The following USP25 variants were observed in gnomAD, a reference collection of about 807,000 sequenced individuals.
USP25 encodes ubiquitin carboxyl-terminal hydrolase 25.
USP25 carries 85 observed loss-of-function variants against 158.5 expected under a neutral mutation model. The ratio of observed to expected loss-of-function variants is 0.54; its 90% confidence interval spans 0.45 to 0.64. The LOEUF is 0.64. Ranked by LOEUF, USP25 falls within the 30% of genes least tolerant of loss-of-function variation. The pLI is 0.00. For synonymous variants in USP25, 464 were observed against 460.4 expected (o/e 1.01, Z -0.10); for missense variants, 1,242 against 1,327.3 (o/e 0.94, Z 1.00).
chr21:15,851,526 A>G (rs2038888827), intron 20 of USP25, among the ~76,000 whole-genome samples: 3 of 151,394 alleles, frequency 2.0e-5, no homozygotes, highest in Admixed American at 2.0e-4. Context: ...ACACACACAC[A>G]CGTAAAATCT....
chr21:15,763,076 A>G (rs17275483), intron 2 of USP25, 108 bp downstream of exon 2: 41,063 of 1,002,780 alleles, frequency 0.041, 963 homozygotes, highest in Non-Finnish European at 0.049. Context: ...TGGTAGTTTT[A>G]GAGATACAGG....
intron 24 of USP25, among the ~76,000 whole-genome samples, chr21:15,874,758 C>T (rs2040033725): frequency 6.6e-6 from 1 of 152,176 alleles, no homozygotes. Flanking sequence ...CTTAAAATAG[C>T]ATCAGTTTGT....
intron 20 of USP25, among the ~76,000 whole-genome samples, 165 bp from the exon 21 acceptor site, chr21:15,864,103 G>A (rs2039551148): frequency 6.8e-6 from 1 of 146,026 alleles, no homozygotes; most frequent in Non-Finnish European, 1.5e-5. Context: ...TTGAGTCTAT[G>A]GAACATGGGA....
Position 15,870,062 on chromosome 21 carries a change from C to G in USP25, c.2806-6C>G. On this transcript the variant is annotated splice_polypyrimidine_tract_variant and splice_region_variant and intron_variant, in intron 22 of 25. Coordinates refer to ENST00000400183, the MANE Select transcript of USP25 (RefSeq NM_001283041.3). ...GAACATTTTTAATATTTTCTTTCACCTACAGGAGTGGCATCAGGATTATAG... is the reference window on the plus strand; with the variant it reads ...GAACATTTTTAATATTTTCTTTCACGTACAGGAGTGGCATCAGGATTATAG... 6.3e-7 allele frequency: 1 copy of G among 1,591,920 alleles called. No homozygotes were observed. The highest frequency in any genetic ancestry group is 8.6e-7 in the Non-Finnish European group (1 of 1,168,110).
intron 23 of USP25, among the ~76,000 whole-genome samples, chr21:15,870,430 A>T (rs1482994955): frequency 6.6e-6 from 1 of 152,164 alleles, no homozygotes; most frequent in Admixed American, 6.5e-5. Context: ...TCTGATCTTG[A>T]TATCAAGTCA....
At chr21:15,752,284 C>T (rs1262011799) in intron 1 of USP25, among the ~76,000 whole-genome samples, 3 of 150,880 alleles carry the variant, frequency 2.0e-5, no homozygotes, top group African/African-American at 4.9e-5. Flanking sequence ...GGCGTGATCT[C>T]GACTCACTGC....
chr21:15,808,638 C>T (rs2036508721), intron 7 of USP25, among the ~76,000 whole-genome samples, 171 bp from the exon 8 acceptor site: 1 of 151,182 alleles, frequency 6.6e-6, no homozygotes, highest in African/African-American at 2.4e-5. Context: ...ATCTTATATC[C>T]TGGTTAAATT....
intron 1 of USP25, among the ~76,000 whole-genome samples, chr21:15,736,661 T>G (rs1362496384): frequency 2.0e-5 from 3 of 151,756 alleles, no homozygotes; most frequent in African/African-American, 4.8e-5. Context: ...ATTAATAGCT[T>G]TTTTCGGTAA....
At chr21:15,791,990 C>T (rs2035614079) in intron 5 of USP25, among the ~76,000 whole-genome samples, 2 of 151,652 alleles carry the variant, frequency 1.3e-5, no homozygotes, top group South Asian at 4.1e-4. Flanking sequence ...AGCATTGTAA[C>T]CAAGTTTGAA....
chr21:15,826,851 C>A lies in USP25; in HGVS notation c.1467-126C>A. 1 of 799,006 alleles carries A rather than the reference C, an allele frequency of 1.3e-6. No individual in the cohort carries two copies. The highest frequency in any genetic ancestry group is 2.7e-5 in the East Asian group (1 of 37,734). The allele number at this position is 799,006 out of a possible 1,614,324, so 49.5% of individuals were successfully genotyped here. ...AATCTCATTTGGATGTTAGATCAAT[C>A]CACATATTTCTTTAAGATTTTTTCT... On this transcript the variant is annotated intron_variant, in intron 13 of 25. Transcript: ENST00000400183. The surrounding 1 kb of genome is among the most constrained non-coding windows in gnomAD (Gnocchi z 4.8).
intron 18 of USP25, 37 bp from the exon 19 acceptor site, chr21:15,847,626 C>G: frequency 1.4e-6 from 2 of 1,432,380 alleles, no homozygotes; most frequent in Middle Eastern, 1.8e-4. Context: ...CCACTGTTCT[C>G]TTTTCTAATG....
chr21:15,878,257 G>T, intron 25 of USP25, 46 bp from the exon 26 acceptor site: 1 of 1,576,638 alleles, frequency 6.3e-7, no homozygotes. Flanking sequence ...CAATGATCGT[G>T]TAATAATTTC....
intron 22 of USP25, among the ~76,000 whole-genome samples, chr21:15,869,050 G>A (rs76461610): frequency 0.078 from 11,861 of 151,990 alleles, 518 homozygotes; most frequent in East Asian, 0.099. Context: ...ATTTGAGACC[G>A]GCCTGGCCAA....
At chr21:15,806,215 G>T (rs1225152556) in intron 7 of USP25, among the ~76,000 whole-genome samples, 1 of 152,048 alleles carries the variant, frequency 6.6e-6, no homozygotes, top group Non-Finnish European at 1.5e-5. Context: ...AAAAGAAAGA[G>T]AAATAATTTT....
At chr21:15,776,853 T>A (rs1874281822) in intron 3 of USP25, among the ~76,000 whole-genome samples, 1 of 151,788 alleles carries the variant, frequency 6.6e-6, no homozygotes, top group African/African-American at 2.4e-5. Context: ...AAAATAAAAT[T>A]TAAAATAAGC....
intron 25 of USP25, 122 bp from the exon 26 acceptor site, chr21:15,878,178 GTTT>G: frequency 7.6e-7 from 1 of 1,318,092 alleles, no homozygotes; most frequent in Non-Finnish European, 1.0e-6. Flanking sequence ...TGCCATTTAT[GTTT>G]TTGTCTCCCC....
chr21:15,753,619 G>A (rs2033180125), intron 1 of USP25, among the ~76,000 whole-genome samples: 1 of 151,620 alleles, frequency 6.6e-6, no homozygotes, highest in Non-Finnish European at 1.5e-5. Flanking sequence ...ATGTCATTTA[G>A]AAGAATTCTT....
Position 15,730,345 on chromosome 21 carries a change from C to G in USP25, c.-49C>G. ...GCGGCAGCCAGGGCCGGCGGAGGCG[C>G]GAGGAGCCGGGCGCCACCGCCGCCG... On this transcript the variant is annotated 5_prime_UTR_variant, in exon 1 of 26. Coordinates refer to ENST00000400183, the MANE Select transcript of USP25 (RefSeq NM_001283041.3). 8.8e-7 allele frequency: 1 copy of G among 1,133,740 alleles called. No homozygotes were observed. Among genetic ancestry groups the G allele is most frequent in the Non-Finnish European group, 1.1e-6 (1 of 926,662 alleles). The allele number at this position is 1,133,740 out of a possible 1,614,324, so 70.2% of individuals were successfully genotyped here. A position where few individuals can be genotyped will look rare whatever the true frequency, so the allele number is the denominator to read the frequency against.
chr21:15,798,351 C>T (rs1452467138), intron 5 of USP25, among the ~76,000 whole-genome samples: 1 of 151,330 alleles, frequency 6.6e-6, no homozygotes, highest in Non-Finnish European at 1.5e-5. Context: ...TATTAGAATA[C>T]ACAAGTATGT....
Sources: allele counts gnomAD v4.1 joint callset (sites outside exome capture counted in the v4.1 genomes callset), GRCh38; gene constraint gnomAD v4.1.1; non-coding constraint Gnocchi (gnomAD v3.1); transcripts MANE v1.5; gene names NCBI Gene and HGNC (gene_info 2026-07-23, HGNC 2026-07-21).